SLAIN2: variants seen among roughly 807,000 people sequenced by gnomAD.
SLAIN2 encodes the protein SLAIN family member 2.
In SLAIN2, 31 loss-of-function variants were observed where a neutral mutation model predicts 56.6. That is an observed-to-expected ratio of 0.55 (90% confidence interval 0.41 to 0.74). SLAIN2 has a LOEUF of 0.74. Ranked by LOEUF, SLAIN2 falls within the 30% of genes least tolerant of loss-of-function variation. The probability of loss-of-function intolerance (pLI) is 0.00; values close to 1 mark genes in which losing one functional copy is unlikely to be tolerated. For missense variants in SLAIN2, 777 were observed against 754.2 expected, an observed-to-expected ratio of 1.03 and a Z score of -0.35; for synonymous variants, 317 against 284.9, an observed-to-expected ratio of 1.11 and a Z score of -1.13.
At chr4:48,379,657 G>C (rs936507256) in intron 3 of SLAIN2, 33 bp from the exon 4 acceptor site, 2 of 1,364,292 alleles carry the variant, frequency 1.5e-6, no homozygotes, top group Non-Finnish European at 1.9e-6. Flanking sequence ...TGCTTTACCA[G>C]AGTTTGAATT....
At chr4:48,370,500 A>G (rs1715635238) in intron 2 of SLAIN2, among the ~76,000 whole-genome samples, 1 of 152,240 alleles carries the variant, frequency 6.6e-6, no homozygotes, top group South Asian at 2.1e-4. Context: ...GTTAAGTGTT[A>G]TGTGAAAGAG....
In SLAIN2 at chr4:48,357,853, C is replaced by T. The variant is rs560727521; in HGVS notation, c.390-11996C>T. Among the ~76,000 whole-genome samples, 36 of 152,148 alleles carry T rather than the reference C, an allele frequency of 2.4e-4. 1 individual carries two copies. The South Asian group carries it at 7.1e-3, about 30-fold the overall frequency. On this transcript the variant is annotated intron_variant, in intron 1 of 7. Transcript: ENST00000264313. ...TACAGGCATGAGCCACCGCACCCGG[C>T]CCCACTGATGTTTTTAAAAAACTTT...
chr4:48,348,689 CA>C (rs34880531), intron 1 of SLAIN2, among the ~76,000 whole-genome samples: 143 of 98,500 alleles, frequency 1.5e-3, no homozygotes, highest in South Asian at 2.5e-3. Flanking sequence ...GACTCTGTCT[CA>C]AAAAAAAAAA....
At position 48,382,759 on chromosome 4, in the gene SLAIN2, C is replaced by A. The variant is rs1716001242; in HGVS notation, c.1054C>A (p.Pro352Thr). The A allele has an allele frequency of 6.2e-7, 1 of 1,613,582 alleles. No individual in the cohort carries two copies. Among genetic ancestry groups the A allele is most frequent in the African/African-American group, 1.3e-5 (1 of 74,804 alleles). ...ACCATCACCACGCAATTCACCTCGACCGTCACCTAAGCAGTCACCCAGAAA... is the reference window on the plus strand; with the variant it reads ...ACCATCACCACGCAATTCACCTCGAACGTCACCTAAGCAGTCACCCAGAAA... ...FSPSPRNSPR[P>T]SPKQSPRNSP... Residue 352 changes from proline (P) to threonine (T), a missense_variant, in exon 5 of 8, where the codon CCG (proline) becomes ACG (threonine). Coordinates refer to ENST00000264313, the MANE Select transcript of SLAIN2 (RefSeq NM_020846.2).
At chr4:48,345,283 A>T (rs1714831554) in intron 1 of SLAIN2, among the ~76,000 whole-genome samples, 1 of 152,184 alleles carries the variant, frequency 6.6e-6, no homozygotes, top group South Asian at 2.1e-4. Flanking sequence ...CCTGCCACAC[A>T]CTGTGAGCAT....
At chr4:48,371,688 C>T in intron 2 of SLAIN2, among the ~76,000 whole-genome samples, 1 of 152,030 alleles carries the variant, frequency 6.6e-6, no homozygotes, top group East Asian at 1.9e-4. Context: ...GGTAGAGTGG[C>T]TCACACCTGT....
intron 6 of SLAIN2, among the ~76,000 whole-genome samples, chr4:48,391,221 G>A (rs1716229030): frequency 6.6e-6 from 1 of 152,078 alleles, no homozygotes; most frequent in Non-Finnish European, 1.5e-5. Context: ...CACACATTTC[G>A]CTGAAGTGAG....
intron 6 of SLAIN2, among the ~76,000 whole-genome samples, chr4:48,404,981 G>T (rs1256508005): frequency 1.3e-5 from 2 of 152,180 alleles, no homozygotes; most frequent in South Asian, 4.2e-4. Context: ...CTTTGTTAAA[G>T]TATTTCTCTC....
chr4:48,394,556 A>G (rs1413447114), intron 6 of SLAIN2: 2 of 1,531,924 alleles, frequency 1.3e-6, no homozygotes, highest in African/African-American at 1.4e-5. Context: ...CAAATATTAC[A>G]GTTCCTTATT....
chr4:48,387,237 A>G (rs532478804), intron 6 of SLAIN2: 94 of 152,322 alleles, frequency 6.2e-4, no homozygotes, highest in African/African-American at 2.2e-3. Flanking sequence ...CCTAGGATAA[A>G]AATGTTAATA....
At chr4:48,407,129 G>T (rs982969275) in intron 6 of SLAIN2, among the ~76,000 whole-genome samples, 4 of 151,892 alleles carry the variant, frequency 2.6e-5, no homozygotes, top group African/African-American at 9.7e-5. Context: ...CCTGTTGTAT[G>T]CATGTTCGAG....
At chr4:48,421,041 G>A (rs553168545) in intron 7 of SLAIN2, among the ~76,000 whole-genome samples, 7 of 151,962 alleles carry the variant, frequency 4.6e-5, no homozygotes, top group African/African-American at 1.7e-4. Context: ...TTTGAGATGG[G>A]GTCTTGCTTT....
intron 1 of SLAIN2, among the ~76,000 whole-genome samples, chr4:48,365,765 G>A (rs1326361817): frequency 6.6e-6 from 1 of 152,036 alleles, no homozygotes; most frequent in Non-Finnish European, 1.5e-5. Flanking sequence ...GTTTTGCCAC[G>A]TTGGCCAGGC....
At chr4:48,398,957 A>G (rs1402231368) in intron 6 of SLAIN2, among the ~76,000 whole-genome samples, 1 of 152,188 alleles carries the variant, frequency 6.6e-6, no homozygotes, top group Non-Finnish European at 1.5e-5. Flanking sequence ...CTTTTTGCTT[A>G]GGATTGTCTT....
intron 6 of SLAIN2, among the ~76,000 whole-genome samples, chr4:48,413,174 A>G (rs1716909886): frequency 6.6e-6 from 1 of 151,808 alleles, no homozygotes; most frequent in Non-Finnish European, 1.5e-5. Flanking sequence ...GTTGCAGTGA[A>G]CCAAGTTTGT....
intron 6 of SLAIN2, among the ~76,000 whole-genome samples, chr4:48,406,780 C>A (rs562490469): frequency 2.0e-5 from 3 of 152,102 alleles, no homozygotes; most frequent in African/African-American, 7.2e-5. Context: ...GATAACTTAT[C>A]TCTTGTTTTC....
At chr4:48,354,523 G>A (rs1715103863) in intron 1 of SLAIN2, among the ~76,000 whole-genome samples, 1 of 151,964 alleles carries the variant, frequency 6.6e-6, no homozygotes. Context: ...CTGGAGTGCA[G>A]TGGAGCAATC....
chr4:48,350,848 A>G (rs1714992484), intron 1 of SLAIN2, among the ~76,000 whole-genome samples: 1 of 151,930 alleles, frequency 6.6e-6, no homozygotes, highest in Non-Finnish European at 1.5e-5. Context: ...GACTTTAGAG[A>G]AAAAAATATT....
At chr4:48,401,588 A>G (rs997194155) in intron 6 of SLAIN2, among the ~76,000 whole-genome samples, 5 of 152,180 alleles carry the variant, frequency 3.3e-5, no homozygotes, top group African/African-American at 1.2e-4. Context: ...GTCAGAAAGT[A>G]GGATTGCAAC....
Sources: gnomAD v4.1 joint callset for allele counts (sites outside exome capture counted in the v4.1 genomes callset) on GRCh38, gnomAD v4.1.1 for gene constraint, MANE v1.5 for transcripts, NCBI Gene and HGNC (gene_info 2026-07-23, HGNC 2026-07-21) for gene names.